The following COL6A2 variants were observed in gnomAD, a reference collection of about 807,000 sequenced individuals.
COL6A2 encodes the protein collagen alpha-2(VI) chain.
In COL6A2, 90 loss-of-function variants were observed where a neutral mutation model predicts 124.9. The ratio of observed to expected loss-of-function variants is 0.72; its 90% CI spans 0.61 to 0.86. The LOEUF is 0.86. Ranked by LOEUF, COL6A2 falls within the 40% of genes least tolerant of loss-of-function variation. The pLI, the probability that COL6A2 is intolerant of heterozygous loss-of-function variation, is 0.00. For synonymous variants in COL6A2, 793 were observed against 618.2 expected, an observed-to-expected ratio of 1.28 and a Z score of -4.19; for missense variants, 1,607 against 1,502.5, an observed-to-expected ratio of 1.07 and a Z score of -1.15.
intron 18 of COL6A2, 52 bp from the exon 19 acceptor site, chr21:46,122,056 C>G: frequency 6.3e-7 from 1 of 1,594,834 alleles, no homozygotes; most frequent in Non-Finnish European, 8.6e-7. Flanking sequence ...CACAGCCCCC[C>G]AGCCCCACCC....
chr21:46,109,004 T>C (rs2078365674), intron 1 of COL6A2, among the ~76,000 whole-genome samples: 1 of 152,018 alleles, frequency 6.6e-6, no homozygotes, highest in South Asian at 2.1e-4. Context: ...GCGGGTTGTC[T>C]TGTCGGCGGG....
At chr21:46,122,749 C>A in intron 20 of COL6A2, 126 bp from the exon 21 acceptor site, 7 of 1,092,544 alleles carry the variant, frequency 6.4e-6, no homozygotes, top group South Asian at 1.3e-5. Flanking sequence ...TGCAAAAAAA[C>A]CACATAGATG....
At chr21:46,121,187 G>T (rs1568934151) in intron 17 of COL6A2, 64 bp downstream of exon 17, 15 of 1,507,842 alleles carry the variant, frequency 9.9e-6, no homozygotes, top group Non-Finnish European at 1.0e-5. Context: ...CTATCCATGT[G>T]GGGACAGCCT....
chr21:46,122,622 G>T (rs1414788938), intron 20 of COL6A2, 91 bp downstream of exon 20: 77 of 1,418,930 alleles, frequency 5.4e-5, no homozygotes, highest in Non-Finnish European at 7.4e-5. Flanking sequence ...TCACTGACAG[G>T]ACCACCCCTG....
chr21:46,116,286 G>A lies in COL6A2; in HGVS notation c.901-91G>A, dbSNP rs533736766. The A allele has an allele frequency of 1.4e-3, 2,044 of 1,465,462 alleles. 4 individuals are homozygous for A. The highest frequency in any genetic ancestry group is 1.7e-3 in the Non-Finnish European group (1,785 of 1,057,692). 90.8% of individuals were successfully genotyped at this position (1,465,462 alleles called of 1,614,324 possible). On this transcript the variant is annotated intron_variant, in intron 7 of 27. Coordinates refer to ENST00000300527, the MANE Select transcript of COL6A2 (RefSeq NM_001849.4). This position sits in a 1 kb window ranked among gnomAD's most constrained non-coding sequence, Gnocchi z 4.6. ...GAACACTAGATGCCAGCGGCCCACC[G>A]AGCACTCCCCTCAGCCTGCAGGGCT...
intron 1 of COL6A2, among the ~76,000 whole-genome samples, chr21:46,110,921 C>T (rs1437583433): frequency 6.9e-6 from 1 of 145,536 alleles, no homozygotes; most frequent in Non-Finnish European, 1.5e-5. Flanking sequence ...AGGCTAATGA[C>T]GGCTGTGTCC....
chr21:46,124,627 C>A (rs3746995), intron 21 of COL6A2, 24 bp from the exon 22 acceptor site: 357 of 1,611,924 alleles, frequency 2.2e-4, no homozygotes, highest in African/African-American at 1.9e-4. Flanking sequence ...CCACTGAAGC[C>A]CACCTGTTCT....
chr21:46,110,742 C>T (rs1447501663), intron 1 of COL6A2, among the ~76,000 whole-genome samples: 1 of 152,280 alleles, frequency 6.6e-6, no homozygotes, highest in Non-Finnish European at 1.5e-5. Flanking sequence ...TGCCCAGCTG[C>T]CCGGCTGCTG....
chr21:46,126,476 T>TGGCCCGGCACGGCCC, intron 26 of COL6A2, 27 bp from the exon 27 acceptor site: 1 of 1,611,510 alleles, frequency 6.2e-7, no homozygotes, highest in Non-Finnish European at 8.5e-7. Flanking sequence ...GACCCTGGCC[T>TGGCCCGGCACGGCCC]GGCCCGGCCT....
Position 46,124,750 on chromosome 21 carries a change from C to T in COL6A2, c.1734+37C>T, listed in dbSNP as rs745891708. 14 of 1,606,948 alleles carry T rather than the reference C, an allele frequency of 8.7e-6. No individual in the cohort carries two copies. In the Admixed American group the frequency reaches 2.0e-4, roughly 23 times the overall value. On this transcript the variant is annotated intron_variant, in intron 22 of 27. Coordinates refer to ENST00000300527, the MANE Select transcript of COL6A2 (RefSeq NM_001849.4). ...GCCAGTCCCCATGCCCTCCCCCCAACCTGCCAGGCCAACACACACCCAAGC... is the reference window on the plus strand; with the variant it reads ...GCCAGTCCCCATGCCCTCCCCCCAATCTGCCAGGCCAACACACACCCAAGC...
Position 46,120,924 on chromosome 21 carries a change from C to T in COL6A2, c.1396-137C>T, listed in dbSNP as rs556786340. On this transcript the variant is annotated intron_variant, in intron 16 of 27. Coordinates refer to ENST00000300527, the MANE Select transcript of COL6A2 (RefSeq NM_001849.4). ...GCTGAAGGTCAAGTGGAGCCACAGC[C>T]TCCGGGGAGGGTCATAGGGGCCGGG... 9.0e-5 allele frequency: 74 copies of T among 823,812 alleles called. No individual in the cohort carries two copies. In the South Asian group the frequency reaches 1.0e-3, roughly 11 times the overall value. 51.0% of individuals were successfully genotyped at this position (823,812 alleles called of 1,614,324 possible).
intron 14 of COL6A2, 116 bp downstream of exon 14, chr21:46,119,235 C>A: frequency 1.2e-6 from 1 of 806,980 alleles, no homozygotes; most frequent in Non-Finnish European, 2.1e-6. Flanking sequence ...GCTGGCAAGG[C>A]ACAGCCAGGC....
intron 27 of COL6A2, 115 bp downstream of exon 27, chr21:46,126,656 G>A (rs546468002): frequency 1.3e-5 from 17 of 1,284,062 alleles, no homozygotes; most frequent in Non-Finnish European, 1.9e-5. Flanking sequence ...GGGCGGCGGA[G>A]CCACTGCGGA....
intron 14 of COL6A2, 122 bp downstream of exon 14, chr21:46,119,241 C>T (rs1032736744): frequency 2.5e-6 from 2 of 784,890 alleles, no homozygotes; most frequent in East Asian, 2.7e-5. Context: ...AAGGCACAGC[C>T]AGGCCCCCAT....
chr21:46,122,412 A>G, intron 19 of COL6A2, 84 bp from the exon 20 acceptor site: 1 of 1,563,060 alleles, frequency 6.4e-7, no homozygotes, highest in South Asian at 1.1e-5. Flanking sequence ...AGGGAGGGAA[A>G]CGGGGCTGCA....
rs546825359 is a variant in COL6A2, at chr21:46,132,132, G to A, written c.2640G>A (p.Leu880=). The A allele has an allele frequency of 1.8e-5, 29 of 1,577,464 alleles. No individual in the cohort carries two copies. Among genetic ancestry groups the A allele is most frequent in the South Asian group, 3.4e-5 (3 of 87,262 alleles). Reference sequence around the variant, plus strand: ...CTCTCAACGCACGCGTGGCGCTGCTGCAGTTTGGTGGCCCCGGCGAGCAGC... The same window carrying A: ...CTCTCAACGCACGCGTGGCGCTGCTACAGTTTGGTGGCCCCGGCGAGCAGC... ...DDPLNARVAL[L]QFGGPGEQQV... The change falls in exon 28 of 28, where the codon CTG becomes CTA. Residue 880 remains leucine, a synonymous_variant. Transcript: ENST00000300527.
At chr21:46,109,055 C>T (rs1160936490) in intron 1 of COL6A2, among the ~76,000 whole-genome samples, 1 of 152,144 alleles carries the variant, frequency 6.6e-6, no homozygotes, top group African/African-American at 2.4e-5. Flanking sequence ...AGAGAAGGCC[C>T]TGGAGTGGGT....
intron 20 of COL6A2, 22 bp downstream of exon 20, chr21:46,122,553 C>T (rs2123649896): frequency 8.1e-6 from 13 of 1,612,388 alleles, no homozygotes; most frequent in African/African-American, 1.3e-5. Flanking sequence ...TCCTGGCCAC[C>T]TGTGCCCACC....
chr21:46,118,801 C>G (rs759982052), intron 13 of COL6A2, 125 bp downstream of exon 13: 5 of 1,216,742 alleles, frequency 4.1e-6, no homozygotes, highest in Non-Finnish European at 5.9e-6. Flanking sequence ...TCTGGGGACA[C>G]GGGGAGGGAC....
Sources: allele counts gnomAD v4.1 joint callset (sites outside exome capture counted in the v4.1 genomes callset), GRCh38; gene constraint gnomAD v4.1.1; non-coding constraint Gnocchi (gnomAD v3.1); transcripts MANE v1.5; gene names NCBI Gene and HGNC (gene_info 2026-07-23, HGNC 2026-07-21).